The following XPO1 variants were observed in gnomAD, a reference collection of about 807,000 sequenced individuals.
The protein encoded by XPO1 is exportin 1.
XPO1 carries 5 observed loss-of-function variants against 133.3 expected under a neutral mutation model. That is an observed-to-expected ratio of 0.04 (90% confidence interval 0.02 to 0.08). The LOEUF (loss-of-function observed/expected upper bound fraction) is 0.08. XPO1 is among the 10% of genes least tolerant of loss of function. The probability of loss-of-function intolerance (pLI) is 1.00; values close to 1 mark genes in which losing one functional copy is unlikely to be tolerated. For synonymous variants in XPO1, 419 were observed against 408.2 expected, an observed-to-expected ratio of 1.03 and a Z score of -0.32; for missense variants, 506 against 1,267.5, an observed-to-expected ratio of 0.40 and a Z score of 9.12.
At chr2:61,518,083 C>T (rs1443791464) in intron 4 of XPO1, among the ~76,000 whole-genome samples, 1 of 151,144 alleles carries the variant, frequency 6.6e-6, no homozygotes, top group African/African-American at 2.4e-5. Context: ...TGAGCCAAGA[C>T]TGCGCCACTG....
intron 4 of XPO1, among the ~76,000 whole-genome samples, chr2:61,507,054 A>C (rs760385937): frequency 1.3e-4 from 19 of 151,666 alleles, no homozygotes; most frequent in Non-Finnish European, 2.2e-4. Flanking sequence ...ACGTGGTGAA[A>C]CCTCGTCTCT....
chr2:61,504,415 A>G (rs375414281), intron 4 of XPO1, among the ~76,000 whole-genome samples: 1 of 152,242 alleles, frequency 6.6e-6, no homozygotes, highest in East Asian at 1.9e-4. Context: ...CTAAAAGGAT[A>G]TGAAGTAGCA....
intron 4 of XPO1, among the ~76,000 whole-genome samples, chr2:61,509,915 G>T (rs550780087): frequency 1.1e-4 from 16 of 152,294 alleles, no homozygotes; most frequent in African/African-American, 3.4e-4. Flanking sequence ...CTAAAAAAAT[G>T]TAAATTTGGT....
chr2:61,498,556 GTCC>G (rs1341474135), intron 9 of XPO1, 114 bp downstream of exon 9: 15 of 1,333,524 alleles, frequency 1.1e-5, no homozygotes, highest in Admixed American at 2.5e-5. Flanking sequence ...CCTGAGCAGC[GTCC>G]TCGTGTTAGA....
intron 1 of XPO1, among the ~76,000 whole-genome samples, chr2:61,534,888 A>T (rs35344804): frequency 6.6e-6 from 1 of 151,344 alleles, no homozygotes; most frequent in Non-Finnish European, 1.5e-5. Flanking sequence ...GATTGAAATA[A>T]AGCTACAAAC....
chr2:61,530,067 T>G (rs1034548700), intron 2 of XPO1, among the ~76,000 whole-genome samples: 1 of 152,202 alleles, frequency 6.6e-6, no homozygotes, highest in Non-Finnish European at 1.5e-5. Flanking sequence ...TTAGCAGTGT[T>G]TTGGTCTTCT....
rs1009446020 is a variant in XPO1 at position 61,537,544 on chromosome 2, A to G, written c.-7+18T>C. 1 of 149,408 alleles carries G rather than the reference A, an allele frequency of 6.7e-6. No homozygotes were observed. Among genetic ancestry groups the G allele is most frequent in the Non-Finnish European group, 1.5e-5 (1 of 66,868 alleles). 9.3% of individuals were successfully genotyped at this position (149,408 alleles called of 1,614,324 possible). Reference sequence around the variant, plus strand: ...CGCCGCCGCCCGACCCTCGGCCCCGAAGACACAGTCGACTTACCCAGAGAT... The same window carrying G: ...CGCCGCCGCCCGACCCTCGGCCCCGGAGACACAGTCGACTTACCCAGAGAT... On this transcript the variant is annotated intron_variant, in intron 1 of 24. Coordinates refer to ENST00000401558, the MANE Select transcript of XPO1 (RefSeq NM_003400.4).
At chr2:61,528,476 T>C (rs1390070938) in intron 2 of XPO1, among the ~76,000 whole-genome samples, 1 of 151,600 alleles carries the variant, frequency 6.6e-6, no homozygotes, top group Non-Finnish European at 1.5e-5. Flanking sequence ...CTACTAAAAA[T>C]ACAAAAACTA....
intron 3 of XPO1, among the ~76,000 whole-genome samples, chr2:61,523,562 T>C (rs758358881): frequency 6.6e-6 from 1 of 152,196 alleles, no homozygotes; most frequent in African/African-American, 2.4e-5. Flanking sequence ...TTGTGGTACA[T>C]TTCAACTGAG....
At chr2:61,524,859 A>G (rs1390752213) in intron 3 of XPO1, among the ~76,000 whole-genome samples, 1 of 152,190 alleles carries the variant, frequency 6.6e-6, no homozygotes, top group Admixed American at 6.5e-5. Context: ...TTGAGGTTAC[A>G]GTGAGCTATA....
chr2:61,490,913 G>C (rs1236381728), intron 16 of XPO1, 137 bp from the exon 17 acceptor site: 2 of 1,085,338 alleles, frequency 1.8e-6, no homozygotes, highest in Non-Finnish European at 1.3e-6. Context: ...CCAATACTTT[G>C]AGAAGCCAAG....
chr2:61,516,575 T>C (rs992781352), intron 4 of XPO1, among the ~76,000 whole-genome samples: 1 of 151,258 alleles, frequency 6.6e-6, no homozygotes, highest in African/African-American at 2.4e-5. Flanking sequence ...CCACCACGCC[T>C]GGCTAATTTT....
chr2:61,518,419 C>A (rs912468190), intron 4 of XPO1, among the ~76,000 whole-genome samples: 30 of 15,844 alleles, frequency 1.9e-3, no homozygotes, highest in Admixed American at 5.5e-3. Context: ...AAAAACAAAA[C>A]ACACACACAC....
intron 4 of XPO1, among the ~76,000 whole-genome samples, chr2:61,516,023 G>A (rs951062631): frequency 6.6e-6 from 1 of 151,088 alleles, no homozygotes; most frequent in Non-Finnish European, 1.5e-5. Flanking sequence ...CTACTCAGGA[G>A]GCTGAGGCAG....
chr2:61,520,458 C>T (rs1307326091), intron 4 of XPO1, among the ~76,000 whole-genome samples: 6 of 151,200 alleles, frequency 4.0e-5, no homozygotes, highest in Admixed American at 4.0e-4. Flanking sequence ...GCATGGGCAA[C>T]ACAGCGAGAC....
At chr2:61,493,160 C>T in intron 12 of XPO1, 107 bp from the exon 13 acceptor site, 1 of 1,160,902 alleles carries the variant, frequency 8.6e-7, no homozygotes. Context: ...CACAAGCCAG[C>T]CATGTGTAGG....
In XPO1 at chr2:61,498,849, A is replaced by C. The variant is rs1349929483; in HGVS notation, c.639+16T>G. 6.2e-7 allele frequency: 1 copy of C among 1,606,784 alleles called. No individual in the cohort carries two copies. Among genetic ancestry groups the C allele is most frequent in the South Asian group, 1.1e-5 (1 of 89,538 alleles). ...TTCCTATTATTGTTTTTAAAAATGAAATTAAAAACACTTACCATTACAAAC... is the reference window on the plus strand; with the variant it reads ...TTCCTATTATTGTTTTTAAAAATGACATTAAAAACACTTACCATTACAAAC... On this transcript the variant is annotated intron_variant, in intron 8 of 24. Transcript: ENST00000401558.
intron 2 of XPO1, among the ~76,000 whole-genome samples, chr2:61,530,583 G>A (rs921175101): frequency 2.0e-5 from 3 of 151,956 alleles, no homozygotes; most frequent in South Asian, 2.1e-4. Flanking sequence ...ATAGAAAAAT[G>A]CTGATAACAG....
chr2:61,506,732 T>C (rs746241346), intron 4 of XPO1, among the ~76,000 whole-genome samples: 3 of 151,792 alleles, frequency 2.0e-5, no homozygotes, highest in East Asian at 1.9e-4. Flanking sequence ...AATGATATAA[T>C]ACATATCTAG....
Sources: allele counts gnomAD v4.1 joint callset (sites outside exome capture counted in the v4.1 genomes callset), GRCh38; gene constraint gnomAD v4.1.1; transcripts MANE v1.5; gene names NCBI Gene and HGNC (gene_info 2026-07-23, HGNC 2026-07-21).